The following FAM161B variants were observed in gnomAD, a reference collection of about 807,000 sequenced individuals.
FAM161B encodes the protein FAM161 centrosomal protein B, also known as protein FAM161B.
In FAM161B, 46 loss-of-function variants were observed where a neutral mutation model predicts 61.5. The observed-to-expected ratio is 0.75, with a 90% confidence interval of 0.59 to 0.96. The LOEUF (loss-of-function observed/expected upper bound fraction) is 0.96, where lower values mean the gene tolerates loss of function less well. Among genes scored for constraint, FAM161B ranks in the 40% least tolerant of loss-of-function variants. The pLI is 0.00. For missense variants in FAM161B, 774 were observed against 800.7 expected (o/e 0.97, Z 0.40); for synonymous variants, 284 against 302.7 (o/e 0.94, Z 0.64).
chr14:73,938,589 T>G (rs553061838), intron 5 of FAM161B, among the ~76,000 whole-genome samples: 144 of 150,588 alleles, frequency 9.6e-4, no homozygotes, highest in Admixed American at 2.6e-3. Flanking sequence ...TGGCTAACAC[T>G]GTGAAACCCC....
intron 8 of FAM161B, among the ~76,000 whole-genome samples, chr14:73,935,548 TA>T (rs11421857): frequency 1.4e-4 from 20 of 144,466 alleles, no homozygotes; most frequent in East Asian, 1.0e-3. Flanking sequence ...ATACAAAAAA[TA>T]AAAAAAAAAA....
chr14:73,945,691 A>G (rs1038647313), intron 2 of FAM161B, among the ~76,000 whole-genome samples: 3 of 151,802 alleles, frequency 2.0e-5, no homozygotes, highest in African/African-American at 7.3e-5. Flanking sequence ...GGCTTCCCAA[A>G]GTGCTGGAAT....
downstream of FAM161B, chr14:73,932,138 A>C (rs2055925821): frequency 1.3e-5 from 5 of 385,414 alleles, no homozygotes; most frequent in South Asian, 9.5e-5. Context: ...ATACACTTCT[A>C]CTTGGTCACT....
downstream of FAM161B, among the ~76,000 whole-genome samples, chr14:73,926,753 TC>T (rs755338231): frequency 2.6e-5 from 4 of 151,968 alleles, no homozygotes; most frequent in African/African-American, 4.8e-5. Context: ...GGAGTTTTTG[TC>T]CTAAAGATTT....
intron 6 of FAM161B, 106 bp from the exon 7 acceptor site, chr14:73,937,807 C>T: frequency 6.5e-7 from 1 of 1,542,958 alleles, no homozygotes; most frequent in Non-Finnish European, 8.8e-7. Context: ...AAATTCCTAT[C>T]TGACTTGGAA....
At chr14:73,937,132 T>TA (rs1024351309) in intron 7 of FAM161B, among the ~76,000 whole-genome samples, 7 of 152,198 alleles carry the variant, frequency 4.6e-5, no homozygotes, top group Non-Finnish European at 7.3e-5. Context: ...GAAAGCCACT[T>TA]AGTCTAGAGA....
chr14:73,924,660 C>T, the FAM161B span: 156,729 of 443,198 alleles, frequency 0.35, 30,395 homozygotes, highest in Non-Finnish European at 0.42. Context: ...GGTGCTCTTC[C>T]GTCTTTTCTC....
intron 1 of FAM161B, among the ~76,000 whole-genome samples, chr14:73,947,105 G>T (rs1485380862): frequency 6.6e-6 from 1 of 152,094 alleles, no homozygotes; most frequent in Non-Finnish European, 1.5e-5. Flanking sequence ...ATGGATGATG[G>T]CTGGGTGCAG....
chr14:73,936,176 C>T, intron 7 of FAM161B, 88 bp from the exon 8 acceptor site: 1 of 1,351,484 alleles, frequency 7.4e-7, no homozygotes, highest in Non-Finnish European at 9.9e-7. Context: ...ACAATACTGC[C>T]ACAACCACCA....
the FAM161B span, chr14:73,923,285 T>C: frequency 8.1e-7 from 1 of 1,227,460 alleles, no homozygotes; most frequent in Non-Finnish European, 1.1e-6. Context: ...TAGAGGAATG[T>C]GGGAAATAGA....
the FAM161B span, chr14:73,923,669 G>A: frequency 2.7e-6 from 3 of 1,097,536 alleles, no homozygotes; most frequent in Non-Finnish European, 3.9e-6. Context: ...AGTTCAGCTT[G>A]AAAGGAGCCT....
intron 6 of FAM161B, 52 bp downstream of exon 6, chr14:73,937,896 G>A: frequency 6.2e-7 from 1 of 1,608,590 alleles, no homozygotes; most frequent in Admixed American, 1.7e-5. Context: ...TAGGCCAGTG[G>A]TCTGTTGGAT....
chr14:73,938,579 T>C (rs1020990359), intron 5 of FAM161B, among the ~76,000 whole-genome samples: 3 of 151,894 alleles, frequency 2.0e-5, no homozygotes, highest in South Asian at 2.1e-4. Flanking sequence ...GAGACTATCC[T>C]GGCTAACACT....
At chr14:73,937,094 A>AG (rs1271288245) in intron 7 of FAM161B, among the ~76,000 whole-genome samples, 2 of 132,078 alleles carry the variant, frequency 1.5e-5, no homozygotes, top group Non-Finnish European at 3.6e-5. Flanking sequence ...AAATAAAAGA[A>AG]GAAAAAAAAA....
Position 73,944,315 on chromosome 14 carries a change from G to T in FAM161B, c.925+20C>A, listed in dbSNP as rs371297721. 1 of 1,550,372 alleles carries T rather than the reference G, an allele frequency of 6.5e-7. No individual in the cohort carries two copies. Among genetic ancestry groups the T allele is most frequent in the African/African-American group, 1.4e-5 (1 of 73,076 alleles). On this transcript the variant is annotated intron_variant, in intron 3 of 8. Transcript: ENST00000286544. Reference sequence around the variant, plus strand: ...GGTTCCCCGAGGCAGGAGGCAGCAAGGTGGCAAGGATGTCTTTACCCTGGA... The same window carrying T: ...GGTTCCCCGAGGCAGGAGGCAGCAATGTGGCAAGGATGTCTTTACCCTGGA...
intron 1 of FAM161B, among the ~76,000 whole-genome samples, chr14:73,947,623 A>T (rs2056078062): frequency 1.3e-5 from 2 of 152,190 alleles, no homozygotes; most frequent in African/African-American, 4.8e-5. Context: ...ATATAAGATG[A>T]TGATAAATTC....
chr14:73,934,918 A>G (rs113372095), intron 8 of FAM161B, among the ~76,000 whole-genome samples: 63,861 of 151,528 alleles, frequency 0.42, 14,184 homozygotes, highest in South Asian at 0.51. Flanking sequence ...GTGGTAGTGG[A>G]CACCTGTAGT....
At chr14:73,931,027 A>G (rs961322953), downstream of FAM161B, among the ~76,000 whole-genome samples, 2 of 152,200 alleles carry the variant, frequency 1.3e-5, no homozygotes, top group Admixed American at 6.5e-5. Flanking sequence ...TAGGCTTATC[A>G]TTCTTTTAAG....
intron 2 of FAM161B, among the ~76,000 whole-genome samples, chr14:73,946,070 C>T (rs1035283834): frequency 1.3e-5 from 2 of 152,190 alleles, no homozygotes; most frequent in African/African-American, 4.8e-5. Context: ...AATTCCAGTG[C>T]ATCACTGGAC....
Sources: allele counts gnomAD v4.1 joint callset (sites outside exome capture counted in the v4.1 genomes callset), GRCh38; gene constraint gnomAD v4.1.1; transcripts MANE v1.5; gene names NCBI Gene and HGNC (gene_info 2026-07-23, HGNC 2026-07-21).